TEAD4: variants seen among roughly 807,000 people sequenced by gnomAD.
The protein encoded by TEAD4 is TEA domain transcription factor 4, also known as transcriptional enhancer factor TEF-3.
TEAD4 carries 36 observed loss-of-function variants against 52.4 expected under a neutral mutation model. That is an observed-to-expected ratio of 0.69 (90% CI 0.53 to 0.91). The LOEUF is 0.91. TEAD4 is among the 40% of genes least tolerant of loss of function. The pLI is 0.00. For missense variants in TEAD4, 508 were observed against 583.9 expected (o/e 0.87, Z 1.34); for synonymous variants, 220 against 231.0 (o/e 0.95, Z 0.43).
chr12:2,980,434 G>C (rs572865745), intron 2 of TEAD4, among the ~76,000 whole-genome samples: 2 of 152,270 alleles, frequency 1.3e-5, no homozygotes, highest in East Asian at 3.9e-4. Context: ...ATTGTCAACA[G>C]AAGTGTTTGC....
At chr12:2,969,360 G>A (rs770094878) in intron 2 of TEAD4, among the ~76,000 whole-genome samples, 5 of 152,192 alleles carry the variant, frequency 3.3e-5, no homozygotes, top group South Asian at 2.1e-4. Context: ...ACACTGTACC[G>A]TTTTATATGA....
At position 2,984,963 on chromosome 12, in the gene TEAD4, G is replaced by T. The variant is rs572077003; in HGVS notation, c.-29-9775G>T. Reference sequence around the variant, plus strand: ...ACACTAGGACATTACTGATACTACTGTAGACTTTATAAAAACAGATACTTA... The same window carrying T: ...ACACTAGGACATTACTGATACTACTTTAGACTTTATAAAAACAGATACTTA... On this transcript the variant is annotated intron_variant, in intron 2 of 12. Coordinates refer to ENST00000359864, the MANE Select transcript of TEAD4 (RefSeq NM_003213.4). 2.6e-4 allele frequency among the ~76,000 whole-genome samples: 39 copies of T among 152,246 alleles called. 1 individual carries two copies. Among genetic ancestry groups the T allele is most frequent in the Middle Eastern group, 3.4e-3 (1 of 294 alleles).
chr12:3,020,389 C>T (rs1477192965), intron 8 of TEAD4, among the ~76,000 whole-genome samples: 1 of 152,158 alleles, frequency 6.6e-6, no homozygotes, highest in Non-Finnish European at 1.5e-5. Context: ...CTCGGCGGTT[C>T]CATGCAGAGT....
At chr12:2,996,036 A>G (rs1565534918) in intron 3 of TEAD4, among the ~76,000 whole-genome samples, 2 of 152,138 alleles carry the variant, frequency 1.3e-5, no homozygotes, top group South Asian at 2.1e-4. Context: ...AAGCAAGAAT[A>G]AAAACTGAAT....
chr12:3,020,787 T>C lies in TEAD4; in HGVS notation c.723+14T>C. ...GACCCGGACACGGTAGGTCCTGGCC[T>C]CTGCCTGTCCAGCTCCCTGGTCACC... On this transcript the variant is annotated intron_variant, in intron 9 of 12. Transcript: ENST00000359864. 6.4e-7 allele frequency: 1 copy of C among 1,562,324 alleles called. No individual in the cohort carries two copies. Among genetic ancestry groups the C allele is most frequent in the Non-Finnish European group, 8.7e-7 (1 of 1,152,608 alleles).
chr12:3,038,093 G>A lies in TEAD4; in HGVS notation c.1023G>A (p.Val341=), dbSNP rs1376532134. The A allele has an allele frequency of 6.2e-7, 1 of 1,612,988 alleles. No individual in the cohort carries two copies. Among genetic ancestry groups the A allele is most frequent in the Non-Finnish European group, 8.5e-7 (1 of 1,179,154 alleles). ...AGGTCTGCTCTTTCGGCAAGCAGGT[G>A]GTGGAGAAAGTTGAGGTAGGAGGCC... Residue 341 remains valine, a synonymous_variant, in exon 11 of 13, where the codon GTG becomes GTA. Coordinates refer to ENST00000359864, the MANE Select transcript of TEAD4 (RefSeq NM_003213.4).
chr12:2,988,865 G>A (rs1312938238), intron 2 of TEAD4, among the ~76,000 whole-genome samples: 2 of 152,218 alleles, frequency 1.3e-5, no homozygotes, highest in East Asian at 1.9e-4. Context: ...CGGGTGGAGG[G>A]ACCTGAAGGG....
intron 3 of TEAD4, among the ~76,000 whole-genome samples, chr12:3,010,601 G>C (rs2098259477): frequency 6.6e-6 from 1 of 152,224 alleles, no homozygotes; most frequent in African/African-American, 2.4e-5. Context: ...GTCACACAGG[G>C]CAAGGCCGAG....
In TEAD4 at chr12:2,994,224, C is replaced by T. The variant is rs566396312; in HGVS notation, c.-29-514C>T. Among the ~76,000 whole-genome samples, 9 of 152,076 alleles carry T rather than the reference C, an allele frequency of 5.9e-5. No homozygotes were observed. The highest frequency in any genetic ancestry group is 1.9e-4 in the African/African-American group (8 of 41,508). ...CCGAGTAGCTGTGATTACAGGTGCC[C>T]GCCACCACACCTGGCTAATTTTTGT... On this transcript the variant is annotated intron_variant, in intron 2 of 12. Coordinates refer to ENST00000359864, the MANE Select transcript of TEAD4 (RefSeq NM_003213.4). This position sits in a 1 kb window ranked among gnomAD's most constrained non-coding sequence, Gnocchi z 4.7.
chr12:2,964,346 C>T (rs1331220420), intron 2 of TEAD4, among the ~76,000 whole-genome samples: 1 of 152,172 alleles, frequency 6.6e-6, no homozygotes, highest in Non-Finnish European at 1.5e-5. Context: ...TCCACCTTGG[C>T]TGTGAGCCTT....
intron 2 of TEAD4, among the ~76,000 whole-genome samples, chr12:2,971,666 G>A (rs555951336): frequency 1.4e-4 from 21 of 151,208 alleles, no homozygotes; most frequent in African/African-American, 3.6e-4. Flanking sequence ...TAGTAGAGAC[G>A]GGGTTTCACC....
intron 10 of TEAD4, among the ~76,000 whole-genome samples, chr12:3,031,788 C>G (rs1400340470): frequency 2.0e-5 from 3 of 152,206 alleles, no homozygotes; most frequent in Non-Finnish European, 2.9e-5. Flanking sequence ...CAAAGGTTGC[C>G]CAGTTCATAG....
chr12:3,012,076 G>A (rs1358976009), intron 4 of TEAD4, 94 bp from the exon 5 acceptor site: 3 of 1,260,436 alleles, frequency 2.4e-6, no homozygotes, highest in East Asian at 2.4e-5. Context: ...CACAGATGTG[G>A]GTTGAGGGCT....
At chr12:2,971,665 C>T (rs969421807) in intron 2 of TEAD4, among the ~76,000 whole-genome samples, 3 of 150,784 alleles carry the variant, frequency 2.0e-5, no homozygotes, top group Admixed American at 1.3e-4. Flanking sequence ...TTAGTAGAGA[C>T]GGGGTTTCAC....
intron 2 of TEAD4, 122 bp downstream of exon 2, chr12:2,960,162 T>TGAG (rs1276249886): frequency 3.3e-6 from 1 of 301,662 alleles, no homozygotes; most frequent in Non-Finnish European, 4.9e-6. Flanking sequence ...GCGGCGCGAC[T>TGAG]GAGGCTGCTG....
rs1266980526 is a variant in TEAD4 at position 3,013,358 on chromosome 12, G to A, written c.354+1126G>A. Among the ~76,000 whole-genome samples the A allele has an allele frequency of 1.4e-4, 21 of 151,290 alleles. No individual in the cohort carries two copies. In the Admixed American group the frequency reaches 1.4e-3, roughly 10 times the overall value. On this transcript the variant is annotated intron_variant, in intron 5 of 12. Transcript: ENST00000359864. ...TATCAGAGGAGCCGTTCTGGTCAAA[G>A]CTAGGTTGGCAAAGCTCCTCTCCTC...
intron 3 of TEAD4, among the ~76,000 whole-genome samples, chr12:2,997,149 G>C (rs2098247908): frequency 6.6e-6 from 1 of 152,150 alleles, no homozygotes; most frequent in African/African-American, 2.4e-5. Flanking sequence ...CATTGTGAAT[G>C]TTCCCTTAAG....
intron 11 of TEAD4, 126 bp downstream of exon 11, chr12:3,038,234 C>T: frequency 2.4e-6 from 3 of 1,272,464 alleles, no homozygotes; most frequent in Non-Finnish European, 3.3e-6. Context: ...GTTGCCTTCC[C>T]TGTCTGCTGT....
intron 10 of TEAD4, among the ~76,000 whole-genome samples, chr12:3,031,737 G>T (rs570462678): frequency 1.3e-5 from 2 of 152,204 alleles, no homozygotes; most frequent in South Asian, 2.1e-4. Flanking sequence ...AACCTCATCT[G>T]CAGAGGGGAA....
Sources: allele counts gnomAD v4.1 joint callset (sites outside exome capture counted in the v4.1 genomes callset), GRCh38; gene constraint gnomAD v4.1.1; non-coding constraint Gnocchi (gnomAD v3.1); transcripts MANE v1.5; gene names NCBI Gene and HGNC (gene_info 2026-07-23, HGNC 2026-07-21).